Variants in SBF2 observed in about 807,000 individuals in gnomAD.
SBF2 encodes the protein SET binding factor 2.
SBF2 carries 112 observed loss-of-function variants against 225.2 expected under a neutral mutation model. That is an observed-to-expected ratio of 0.50 (90% CI 0.43 to 0.58). The LOEUF (loss-of-function observed/expected upper bound fraction) is 0.58. SBF2 is among the 20% of genes least tolerant of loss of function. The pLI is 0.00. For missense variants in SBF2, 1,996 were observed against 2,206.2 expected, an observed-to-expected ratio of 0.90 and a Z score of 1.91; for synonymous variants, 763 against 773.3, an observed-to-expected ratio of 0.99 and a Z score of 0.22.
At position 9,993,232 on chromosome 11, in the gene SBF2, C is replaced by T. The variant is rs184221301; in HGVS notation, c.1054-129G>A. On this transcript the variant is annotated intron_variant, in intron 10 of 39. Coordinates refer to ENST00000256190, the MANE Select transcript of SBF2 (RefSeq NM_030962.4). ...TTATATCCACCAAAACAATTACAGT[C>T]ACAACCAAACATAAGAAGAAAAAAC... 262 of 669,162 alleles carry T rather than the reference C, an allele frequency of 3.9e-4. 2 individuals are homozygous for T. The highest frequency in any genetic ancestry group is 2.4e-3 in the South Asian group (140 of 58,116). The allele number at this position is 669,162 out of a possible 1,614,324, so 41.5% of individuals were successfully genotyped here.
intron 16 of SBF2, chr11:9,960,830 A>T (rs1205648439): frequency 1.3e-5 from 2 of 151,946 alleles, no homozygotes; most frequent in African/African-American, 4.8e-5. Flanking sequence ...AAGCCTGGCT[A>T]ATTTTTGTAT....
chr11:9,926,189 C>G (rs938934527), intron 16 of SBF2, among the ~76,000 whole-genome samples: 1 of 152,094 alleles, frequency 6.6e-6, no homozygotes, highest in Non-Finnish European at 1.5e-5. Context: ...GAACTTTGGT[C>G]ATTTCTACAC....
Position 10,214,019 on chromosome 11 carries a change from C to G in SBF2, c.56-20032G>C, listed in dbSNP as rs373081172. Among the ~76,000 whole-genome samples, 41 of 152,308 alleles carry G rather than the reference C, an allele frequency of 2.7e-4. No individual in the cohort carries two copies. The South Asian group carries it at 8.3e-3, about 31-fold the overall frequency. On this transcript the variant is annotated intron_variant, in intron 1 of 39. Transcript: ENST00000256190. ...ACTCTTTTAAGCCAATCACCAAATT[C>G]CTAAGTGTTCTAACCATAACTTCAG... is the stretch of plus-strand genomic sequence containing the variant.
At chr11:9,790,930 C>T in intron 33 of SBF2, 1 of 390,048 alleles carries the variant, frequency 2.6e-6, no homozygotes, top group Non-Finnish European at 4.7e-6. Context: ...AGCAGTCTAT[C>T]AATCATGACT....
At chr11:10,229,476 C>A (rs1165534047) in intron 1 of SBF2, among the ~76,000 whole-genome samples, 1 of 152,226 alleles carries the variant, frequency 6.6e-6, no homozygotes, top group Admixed American at 6.5e-5. Flanking sequence ...CCTCTACACA[C>A]TGCTTTGAAT....
intron 2 of SBF2, among the ~76,000 whole-genome samples, chr11:10,133,169 G>T (rs1257234865): frequency 6.7e-6 from 1 of 149,442 alleles, no homozygotes; most frequent in Non-Finnish European, 1.5e-5. Context: ...GCTGATTGGT[G>T]TATTTACAAT....
intron 1 of SBF2, among the ~76,000 whole-genome samples, chr11:10,194,868 AT>A: frequency 7.1e-6 from 1 of 140,044 alleles, no homozygotes; most frequent in Non-Finnish European, 1.6e-5. Flanking sequence ...AGCCAGAGGC[AT>A]TGAAATCTAG....
In SBF2 at chr11:10,124,532, A is replaced by G. The variant is rs369672944; in HGVS notation, c.141+69370T>C. ...AACTATATAAGTCCCTATTATTCAA[A>G]TGCTCTAATATCAAGTTTTATTATC... On this transcript the variant is annotated intron_variant, in intron 2 of 39. Transcript: ENST00000256190. Among the ~76,000 whole-genome samples the G allele has an allele frequency of 1.2e-4, 18 of 152,338 alleles. No individual in the cohort carries two copies. The East Asian group carries it at 3.1e-3, about 26-fold the overall frequency.
chr11:10,295,169 T>C (rs61889843), upstream of SBF2, among the ~76,000 whole-genome samples: 15,234 of 152,302 alleles, frequency 0.1, 917 homozygotes, highest in Non-Finnish European at 0.11. Context: ...TTAGAAGTTG[T>C]CTTTGTGGTT....
At chr11:9,851,066 G>C (rs534846036) in intron 21 of SBF2, among the ~76,000 whole-genome samples, 87 of 151,474 alleles carry the variant, frequency 5.7e-4, no homozygotes, top group African/African-American at 2.1e-3. Context: ...AACCTGGGAG[G>C]GGGAGGTTGC....
rs1013640574 is a variant in SBF2, at chr11:9,917,763, A to G, written c.1861-21752T>C. On this transcript the variant is annotated intron_variant, in intron 16 of 39. Transcript: ENST00000256190. ...GACCATTTTTGTAATATAAAGCACC[A>G]CTGGAATCTGTATCGCCAGCCTAGA... Among the ~76,000 whole-genome samples the G allele has an allele frequency of 9.3e-5, 14 of 150,926 alleles. 1 individual carries two copies. Among genetic ancestry groups the G allele is most frequent in the African/African-American group, 3.5e-4 (14 of 40,542 alleles).
chr11:10,231,822 C>G (rs1212681523), intron 1 of SBF2, among the ~76,000 whole-genome samples: 2 of 152,252 alleles, frequency 1.3e-5, no homozygotes, highest in African/African-American at 4.8e-5. Flanking sequence ...AGAACCACTA[C>G]TCTCTTCAAA....
chr11:10,027,926 T>A (rs1949109095), intron 6 of SBF2, among the ~76,000 whole-genome samples: 1 of 152,160 alleles, frequency 6.6e-6, no homozygotes, highest in Admixed American at 6.5e-5. Flanking sequence ...TCTTTTAGCA[T>A]AAAGAAAATA....
chr11:10,276,114 T>C (rs1962943828), intron 1 of SBF2, among the ~76,000 whole-genome samples: 1 of 152,208 alleles, frequency 6.6e-6, no homozygotes. Flanking sequence ...AAAATTATTT[T>C]CTACCATAAT....
At chr11:9,902,303 C>G (rs1436047211) in intron 16 of SBF2, among the ~76,000 whole-genome samples, 1 of 152,196 alleles carries the variant, frequency 6.6e-6, no homozygotes, top group Non-Finnish European at 1.5e-5. Context: ...TCAAGCATTT[C>G]TTTCTACTCT....
chr11:10,010,674 T>C (rs1686478937), intron 6 of SBF2, among the ~76,000 whole-genome samples: 1 of 152,248 alleles, frequency 6.6e-6, no homozygotes, highest in Non-Finnish European at 1.5e-5. Context: ...GGTAGCATGA[T>C]GTCTCCAGCT....
At chr11:9,983,309 T>A (rs910609175) in intron 13 of SBF2, among the ~76,000 whole-genome samples, 1 of 151,708 alleles carries the variant, frequency 6.6e-6, no homozygotes, top group Non-Finnish European at 1.5e-5. Context: ...CTGCCGGCTT[T>A]CCCCCACTTT....
chr11:9,847,018 T>A lies in SBF2; in HGVS notation c.2872A>T (p.Met958Leu), dbSNP rs901770002. The A allele has an allele frequency of 1.9e-6, 3 of 1,613,858 alleles. No homozygotes were observed. Among genetic ancestry groups the A allele is most frequent in the Non-Finnish European group, 2.5e-6 (3 of 1,179,746 alleles). The stretch of plus-strand genomic sequence containing the variant: ...ATGTTCTGCTGTAGCTGGTTCTGCA[T>A]TGTAATCTTCTTCTCCTTGGTGATG... The part of the protein sequence containing the change: ...ASITKEKKIT[M>L]QNQLQQNMQE... The change falls in exon 23 of 40, where the codon ATG becomes TTG. Residue 958 changes from methionine (M) to leucine (L), a missense_variant. By Grantham distance (15) the Met-to-Leu change is conservative. Transcript: ENST00000256190.
intron 32 of SBF2, among the ~76,000 whole-genome samples, chr11:9,805,856 C>T (rs7106190): frequency 0.14 from 21,988 of 152,064 alleles, 1,752 homozygotes; most frequent in African/African-American, 0.21. Context: ...TCTCTTACCT[C>T]GTGATCCACC....
Sources: gnomAD v4.1 joint callset for allele counts (sites outside exome capture counted in the v4.1 genomes callset) on GRCh38, gnomAD v4.1.1 for gene constraint, MANE v1.5 for transcripts, NCBI Gene and HGNC (gene_info 2026-07-23, HGNC 2026-07-21) for gene names.